The following CCSER1 variants were observed in gnomAD, a reference collection of about 807,000 sequenced individuals.
CCSER1 encodes coiled-coil serine rich protein 1.
Under a neutral mutation model 82.0 loss-of-function variants are expected in CCSER1, and 41 were observed. The observed-to-expected ratio is 0.50, with a 90% CI of 0.39 to 0.65. The LOEUF is 0.65. CCSER1 is among the 30% of genes least tolerant of loss of function. The pLI is 0.00. For missense variants in CCSER1, 1,119 were observed against 1,064.2 expected (o/e 1.05, Z -0.72); for synonymous variants, 414 against 383.9 (o/e 1.08, Z -0.92).
chr4:91,501,525 C>G (rs1426738730), intron 10 of CCSER1, among the ~76,000 whole-genome samples: 1 of 151,756 alleles, frequency 6.6e-6, no homozygotes, highest in African/African-American at 2.4e-5. Context: ...AATTATTACC[C>G]CTAATATAAT....
At chr4:90,241,144 C>G (rs1235253320) in intron 1 of CCSER1, among the ~76,000 whole-genome samples, 2 of 152,148 alleles carry the variant, frequency 1.3e-5, no homozygotes, top group East Asian at 3.8e-4. Context: ...CATGCGAGTG[C>G]ATAGATCAAT....
intron 6 of CCSER1, among the ~76,000 whole-genome samples, chr4:90,654,912 T>C (rs1480466512): frequency 1.3e-5 from 2 of 152,098 alleles, no homozygotes; most frequent in Admixed American, 6.6e-5. Flanking sequence ...AGGTTGATTA[T>C]TGTCATCAGA....
intron 3 of CCSER1, among the ~76,000 whole-genome samples, chr4:90,377,715 GT>G (rs1748575516): frequency 6.6e-6 from 1 of 152,064 alleles, no homozygotes. Context: ...TTACTAAGAT[GT>G]AGGAAACCCC....
chr4:90,659,007 T>C (rs928244762), intron 6 of CCSER1, among the ~76,000 whole-genome samples: 6 of 152,034 alleles, frequency 3.9e-5, no homozygotes, highest in African/African-American at 9.7e-5. Context: ...CTAGGTAGTT[T>C]TAGAAATAAC....
At chr4:90,780,632 A>G (rs989077116) in intron 7 of CCSER1, 8 of 1,385,244 alleles carry the variant, frequency 5.8e-6, no homozygotes, top group South Asian at 1.9e-5. Flanking sequence ...TTTCTATATC[A>G]TTATATTCAT....
At position 91,559,495 on chromosome 4, in the gene CCSER1, A is replaced by C. The variant is rs1054064221; in HGVS notation, c.2218-39077A>C. Among the ~76,000 whole-genome samples the C allele has an allele frequency of 2.6e-5, 4 of 151,524 alleles. No homozygotes were observed. In the Admixed American group the frequency reaches 2.6e-4, roughly 10 times the overall value. On this transcript the variant is annotated intron_variant, in intron 10 of 10. Transcript: ENST00000509176. ...TTCAGCTCTCCTAGCACTGGGCTTG[A>C]CACCTGCACTAACCAAAAGGGGTTT... is the stretch of plus-strand genomic sequence containing the variant.
chr4:90,741,637 T>C (rs908448411), intron 7 of CCSER1, among the ~76,000 whole-genome samples: 13 of 152,222 alleles, frequency 8.5e-5, no homozygotes, highest in African/African-American at 2.7e-4. Flanking sequence ...AGTATTATCA[T>C]TTCATATAAA....
intron 6 of CCSER1, among the ~76,000 whole-genome samples, chr4:90,719,226 C>T (rs1742249313): frequency 1.3e-5 from 2 of 152,032 alleles, no homozygotes; most frequent in African/African-American, 4.8e-5. Context: ...GGAGCGCTAA[C>T]CCTAGTGTGA....
chr4:91,085,941 C>A lies in CCSER1; in HGVS notation c.2173-9C>A, dbSNP rs1235687899. On this transcript the variant is annotated splice_polypyrimidine_tract_variant and intron_variant, in intron 9 of 10. Coordinates refer to ENST00000509176, the MANE Select transcript of CCSER1 (RefSeq NM_001145065.2). ...GCCAATAATAATATACTTTGCTTTT[C>A]TTTTTCAGGGTTTAAACTTGAAAAG... 1.2e-5 allele frequency: 18 copies of A among 1,487,878 alleles called. No homozygotes were observed. The highest frequency in any genetic ancestry group is 1.6e-5 in the Non-Finnish European group (18 of 1,091,094). The allele number at this position is 1,487,878 out of a possible 1,614,324, so 92.2% of individuals were successfully genotyped here.
At chr4:91,194,062 C>A (rs1042177668) in intron 10 of CCSER1, among the ~76,000 whole-genome samples, 2 of 152,138 alleles carry the variant, frequency 1.3e-5, no homozygotes, top group South Asian at 2.1e-4. Flanking sequence ...CCCTGTCTCC[C>A]GAATCCAAGT....
chr4:90,225,953 C>T (rs1281049482), intron 1 of CCSER1, among the ~76,000 whole-genome samples: 1 of 152,154 alleles, frequency 6.6e-6, no homozygotes, highest in Non-Finnish European at 1.5e-5. Context: ...ATAAGTAATA[C>T]TATATCAGTT....
At chr4:90,293,478 A>G (rs1334203164) in intron 1 of CCSER1, among the ~76,000 whole-genome samples, 5 of 151,484 alleles carry the variant, frequency 3.3e-5, no homozygotes, top group Non-Finnish European at 7.4e-5. Context: ...TAAATGCCCA[A>G]TAAGAGTTAG....
intron 10 of CCSER1, among the ~76,000 whole-genome samples, chr4:91,304,284 T>G (rs547054937): frequency 6.6e-6 from 1 of 152,236 alleles, no homozygotes; most frequent in East Asian, 1.9e-4. Context: ...AAAAAATCTA[T>G]AATTTTAGTA....
At chr4:91,363,039 G>C (rs369372867) in intron 10 of CCSER1, among the ~76,000 whole-genome samples, 1 of 151,622 alleles carries the variant, frequency 6.6e-6, no homozygotes, top group African/African-American at 2.4e-5. Flanking sequence ...AGGCTCCCAA[G>C]GGATCTTCAT....
intron 10 of CCSER1, among the ~76,000 whole-genome samples, chr4:91,387,236 TAAAG>T (rs920602313): frequency 3.9e-5 from 6 of 151,954 alleles, no homozygotes; most frequent in Admixed American, 6.6e-5. Flanking sequence ...CATACCTTTA[TAAAG>T]AGAGAGACAA....
At chr4:91,147,336 G>A (rs528759630) in intron 10 of CCSER1, among the ~76,000 whole-genome samples, 4 of 152,176 alleles carry the variant, frequency 2.6e-5, no homozygotes, top group Admixed American at 1.3e-4. Flanking sequence ...CCCAGGAGCC[G>A]GCCCAGCCAG....
chr4:91,588,078 T>A (rs1010099367), intron 10 of CCSER1, among the ~76,000 whole-genome samples: 2 of 151,566 alleles, frequency 1.3e-5, no homozygotes, highest in South Asian at 4.1e-4. Flanking sequence ...ACTCTCATTA[T>A]ATTTTGTGCT....
chr4:90,737,177 G>C (rs1411544422), intron 7 of CCSER1, among the ~76,000 whole-genome samples: 1 of 152,000 alleles, frequency 6.6e-6, no homozygotes, highest in African/African-American at 2.4e-5. Context: ...ATATTCTGTG[G>C]TTTTCTGTGT....
chr4:90,597,077 T>A (rs1460026271), intron 5 of CCSER1, among the ~76,000 whole-genome samples: 1 of 152,036 alleles, frequency 6.6e-6, no homozygotes, highest in Non-Finnish European at 1.5e-5. Flanking sequence ...AGGCATTTTA[T>A]AAAATGTAAC....
Sources: allele counts gnomAD v4.1 joint callset (sites outside exome capture counted in the v4.1 genomes callset), GRCh38; gene constraint gnomAD v4.1.1; transcripts MANE v1.5; gene names NCBI Gene and HGNC (gene_info 2026-07-23, HGNC 2026-07-21).